The following RPH3AL variants were observed in gnomAD, a reference collection of about 807,000 sequenced individuals.
RPH3AL encodes rab effector Noc2.
In RPH3AL, 38 loss-of-function variants were observed where a neutral mutation model predicts 43.1. The observed-to-expected ratio is 0.88, with a 90% CI of 0.68 to 1.15. The LOEUF (loss-of-function observed/expected upper bound fraction) is 1.15. Among genes scored for constraint, RPH3AL ranks in the 50% most tolerant of loss-of-function variants. RPH3AL has a pLI of 0.00. For missense variants in RPH3AL, 462 were observed against 423.2 expected (o/e 1.09, Z -0.81); for synonymous variants, 189 against 176.3 (o/e 1.07, Z -0.57).
chr17:270,589 C>T (rs1394937620), intron 6 of RPH3AL, among the ~76,000 whole-genome samples: 1 of 152,126 alleles, frequency 6.6e-6, no homozygotes, highest in Non-Finnish European at 1.5e-5. Flanking sequence ...GCGGCTCATG[C>T]CTGTAATCCC....
chr17:262,832 C>A (rs2042232658), intron 6 of RPH3AL, among the ~76,000 whole-genome samples: 1 of 152,176 alleles, frequency 6.6e-6, no homozygotes, highest in Admixed American at 6.5e-5. Flanking sequence ...CCCTATGCCA[C>A]AAAGCCTGCA....
In RPH3AL at chr17:247,191, C is replaced by G; in HGVS notation, c.533G>C (p.Arg178Pro). The G allele has an allele frequency of 6.2e-7, 1 of 1,614,030 alleles. No homozygotes were observed. The highest frequency in any genetic ancestry group is 8.5e-7 in the Non-Finnish European group (1 of 1,179,980). Residue 178 changes from arginine to proline, a missense_variant, in exon 7 of 10, where the codon CGA becomes CCA. Transcript: ENST00000331302. ...TPGRADDPHF[R>P]PLPTEPAERE... ...CTCTGCCGGTTCCGTGGGCAAAGGT[C>G]GGAAGTGGGGGTCATCAGCTCGGCC...
intron 6 of RPH3AL, among the ~76,000 whole-genome samples, chr17:250,281 CTT>C (rs2041866182): frequency 8.7e-6 from 1 of 115,250 alleles, no homozygotes; most frequent in Non-Finnish European, 1.9e-5. Context: ...CTCTCAGAGC[CTT>C]TACCAAGCTC....
Position 272,374 on chromosome 17 carries a change from G to C in RPH3AL, c.438+9394C>G, listed in dbSNP as rs2042486534. ...CCAACCCAAATGTCCATCAGTGATA[G>C]ACTGGATTAAGAAAATGTGGCACAT... is the stretch of plus-strand genomic sequence containing the variant. On this transcript the variant is annotated intron_variant, in intron 6 of 9. Transcript: ENST00000331302. Among the ~76,000 whole-genome samples the C allele has an allele frequency of 2.6e-5, 4 of 152,014 alleles. No homozygotes were observed. In the South Asian group the frequency reaches 8.3e-4, roughly 32 times the overall value.
At chr17:349,138 G>C (rs1339388856) in intron 1 of RPH3AL, 1 of 152,166 alleles carries the variant, frequency 6.6e-6, no homozygotes, top group African/African-American at 2.4e-5. Context: ...AGAGGGAAAA[G>C]GAGGGACTTG....
chr17:281,816 G>C lies in RPH3AL; in HGVS notation c.390C>G (p.Gly130=). Reference sequence around the variant, plus strand: ...TACACAGCCACAGGGGCCGCTTCTGGCCAGGGGAGGCCTCGATCCCACATT... The same window carrying C: ...TACACAGCCACAGGGGCCGCTTCTGCCCAGGGGAGGCCTCGATCCCACATT... ...CTKCGIEASP[G]QKRPLWLCKI... Residue 130 remains glycine (G), a synonymous_variant, in exon 6 of 10, where the codon GGC becomes GGG. Coordinates refer to ENST00000331302, the MANE Select transcript of RPH3AL (RefSeq NM_006987.4). 1 of 1,614,124 alleles carries C rather than the reference G, an allele frequency of 6.2e-7. No individual in the cohort carries two copies. Among genetic ancestry groups the C allele is most frequent in the Non-Finnish European group, 8.5e-7 (1 of 1,180,022 alleles).
At chr17:319,346 G>T (rs2044392409) in intron 5 of RPH3AL, 74 bp downstream of exon 5, 9 of 1,543,542 alleles carry the variant, frequency 5.8e-6, no homozygotes, top group Admixed American at 1.9e-5. Flanking sequence ...TGGGAGCCAG[G>T]ATGCAAAGCC....
intron 7 of RPH3AL, among the ~76,000 whole-genome samples, chr17:221,711 C>A (rs879928792): frequency 0.13 from 13,767 of 105,484 alleles, 123 homozygotes; most frequent in South Asian, 0.18. Flanking sequence ...TAGACCCAAG[C>A]ACATCAGCTC....
At chr17:268,564 T>TTG (rs2042378532) in intron 6 of RPH3AL, among the ~76,000 whole-genome samples, 2 of 134,336 alleles carry the variant, frequency 1.5e-5, no homozygotes, top group South Asian at 2.5e-4. Flanking sequence ...TTTTTTTTTT[T>TTG]TTTTTTTTTT....
intron 2 of RPH3AL, chr17:331,766 G>A (rs960718348): frequency 6.2e-6 from 8 of 1,289,190 alleles, no homozygotes; most frequent in South Asian, 1.2e-5. Context: ...CTTGGGCTCA[G>A]AGGGCAGAAA....
rs778040116 is a variant in RPH3AL, at chr17:332,086, C to T, written c.-37+1673G>A. On this transcript the variant is annotated intron_variant, in intron 2 of 9. Transcript: ENST00000331302. The stretch of plus-strand genomic sequence containing the variant: ...TGTGGACATGGTTGATGGACCTCTG[C>T]GGGGAGAAGACGGAGGAGATTTTGT... 15 of 357,746 alleles carry T rather than the reference C, an allele frequency of 4.2e-5. 1 individual carries two copies. Among genetic ancestry groups the T allele is most frequent in the South Asian group, 2.5e-4 (12 of 47,532 alleles). The allele number at this position is 357,746 out of a possible 1,614,324, so 22.2% of individuals were successfully genotyped here.
At chr17:291,205 T>C (rs1458256663) in intron 5 of RPH3AL, among the ~76,000 whole-genome samples, 16 of 152,140 alleles carry the variant, frequency 1.1e-4, no homozygotes, top group Admixed American at 1.0e-3. Flanking sequence ...CGGCCCTTTG[T>C]CCTCAAAGAG....
intron 5 of RPH3AL, among the ~76,000 whole-genome samples, chr17:303,407 A>G (rs970020131): frequency 2.0e-5 from 3 of 150,838 alleles, no homozygotes; most frequent in East Asian, 1.9e-4. Context: ...ACAATCACGA[A>G]AAAAAAAAAG....
At chr17:339,187 T>G (rs1405040597) in intron 1 of RPH3AL, 1 of 152,300 alleles carries the variant, frequency 6.6e-6, no homozygotes, top group Admixed American at 6.5e-5. Context: ...GGTTAGGCAC[T>G]GCCCTGCCTG....
Position 272,994 on chromosome 17 carries a change from GTGAGACCCCAGCGAGGGCGACATCAGGA to G in RPH3AL, c.438+8746_438+8773del, listed in dbSNP as rs1567604523. 1.9e-3 allele frequency among the ~76,000 whole-genome samples: 95 copies of G among 49,128 alleles called. 2 individuals are homozygous for G. The highest frequency in any genetic ancestry group is 0.011 in the Middle Eastern group (1 of 88). 32.2% of individuals were successfully genotyped at this position (49,128 alleles called of 152,430 possible). ...AGACCCCAGCAAGGGCTACGTCAGG[GTGAGACCCCAGCGAGGGCGACATCAGGA>G]AGAGACCCCAGCGAGGGCGACGTCA... On this transcript the variant is annotated intron_variant, in intron 6 of 9. Transcript: ENST00000331302.
intron 7 of RPH3AL, among the ~76,000 whole-genome samples, chr17:228,249 C>T (rs1184312971): frequency 6.6e-6 from 1 of 152,122 alleles, no homozygotes; most frequent in African/African-American, 2.4e-5. Context: ...TCCCTATTTG[C>T]CAGGGCTGGT....
chr17:316,967 A>C (rs2044258311), intron 5 of RPH3AL, among the ~76,000 whole-genome samples: 2 of 112,556 alleles, frequency 1.8e-5, no homozygotes, highest in Admixed American at 9.5e-5. Context: ...CTCTACACCC[A>C]CCTCCATTGA....
chr17:307,450 G>A (rs1326449192), intron 5 of RPH3AL, among the ~76,000 whole-genome samples: 1 of 152,154 alleles, frequency 6.6e-6, no homozygotes, highest in Non-Finnish European at 1.5e-5. Flanking sequence ...CCCACAGCAG[G>A]TCTGCCCCAC....
At chr17:234,994 T>G (rs1342898468) in intron 7 of RPH3AL, among the ~76,000 whole-genome samples, 3 of 152,168 alleles carry the variant, frequency 2.0e-5, no homozygotes. Context: ...GCATGCCACG[T>G]GAAGAAGTCA....
Sources: gnomAD v4.1 joint callset for allele counts (sites outside exome capture counted in the v4.1 genomes callset) on GRCh38, gnomAD v4.1.1 for gene constraint, MANE v1.5 for transcripts, NCBI Gene and HGNC (gene_info 2026-07-23, HGNC 2026-07-21) for gene names.